SEC63: variants seen among roughly 807,000 people sequenced by gnomAD.
SEC63 encodes translocation protein SEC63 homolog.
A neutral mutation model predicts 116.2 loss-of-function variants in SEC63; 56 were observed. The observed-to-expected ratio is 0.48, with a 90% CI of 0.39 to 0.60. The LOEUF is 0.60. SEC63 is among the 20% of genes least tolerant of loss of function. SEC63 has a pLI of 0.00. For missense variants in SEC63, 668 were observed against 900.0 expected, an observed-to-expected ratio of 0.74 and a Z score of 3.30; for synonymous variants, 273 against 294.6, an observed-to-expected ratio of 0.93 and a Z score of 0.75.
chr6:107,954,481 T>TAAAAAAAAAAAAAAAAAAAAAAAAAAA (rs1562345005), intron 1 of SEC63: 1 of 14,006 alleles, frequency 7.1e-5, no homozygotes, highest in Non-Finnish European at 1.3e-4. Flanking sequence ...AAAAAAAAAA[T>TAAAAAAAAAAAAAAAAAAAAAAAAAAA]CAAAAAAAAA....
chr6:107,956,842 C>G lies in SEC63; in HGVS notation c.124+1044G>C, dbSNP rs528739802. Among the ~76,000 whole-genome samples, 4 of 152,246 alleles carry G rather than the reference C, an allele frequency of 2.6e-5. No individual in the cohort carries two copies. In the South Asian group the frequency reaches 8.3e-4, roughly 32 times the overall value. The stretch of plus-strand genomic sequence containing the variant: ...AACTTCTCCAAGTAGAGTATATAAC[C>G]TGGACAACCTAGACCTCCAGCACAC... On this transcript the variant is annotated intron_variant, in intron 1 of 20. Transcript: ENST00000369002.
intron 19 of SEC63, among the ~76,000 whole-genome samples, chr6:107,874,309 A>C (rs1379938996): frequency 6.6e-6 from 1 of 152,138 alleles, no homozygotes; most frequent in African/African-American, 2.4e-5. Flanking sequence ...AAAAAGAACA[A>C]GGAAGCCGGG....
intron 16 of SEC63, among the ~76,000 whole-genome samples, chr6:107,888,865 T>C (rs557872599): frequency 6.6e-6 from 1 of 152,330 alleles, no homozygotes; most frequent in South Asian, 2.1e-4. Context: ...TTTTTGTCAT[T>C]GGTTCTGTTT....
intron 3 of SEC63, among the ~76,000 whole-genome samples, chr6:107,923,733 G>A (rs1787608598): frequency 7.2e-6 from 1 of 139,142 alleles, no homozygotes; most frequent in African/African-American, 2.8e-5. Flanking sequence ...GTGTCACTAT[G>A]TTGCCCAAAC....
At position 107,876,580 on chromosome 6, in the gene SEC63, A is replaced by G; in HGVS notation, c.2018T>C (p.Leu673Pro). Residue 673 changes from leucine to proline, a missense_variant, in exon 19 of 21, where the codon CTG (leucine) becomes CCG (proline). Physicochemically the swap from Leu to Pro is moderately conservative, Grantham distance 98. Transcript: ENST00000369002. Reference sequence around the variant, plus strand: ...GATAGTTACCTCCTCTGTATCTTTCAGCGTACACACATGATATGGCATGGA... The same window carrying G: ...GATAGTTACCTCCTCTGTATCTTTCGGCGTACACACATGATATGGCATGGA... ...LISMPYHVCT[L>P]KDTEEVELKF... 2 of 1,599,858 alleles carry G rather than the reference A, an allele frequency of 1.3e-6. No individual in the cohort carries two copies. Among genetic ancestry groups the G allele is most frequent in the Non-Finnish European group, 1.7e-6 (2 of 1,170,000 alleles).
At chr6:107,943,015 A>G (rs936195037) in intron 1 of SEC63, among the ~76,000 whole-genome samples, 7 of 152,184 alleles carry the variant, frequency 4.6e-5, no homozygotes, top group African/African-American at 1.4e-4. Context: ...TGGTGTTGCA[A>G]GGTTTATGGT....
rs1787307803 is a variant in SEC63, at chr6:107,912,631, GTTC to G, written c.573+82_573+84del. Reference sequence around the variant, plus strand: ...GCACACCAGTATTTTCTTTGTAATAGTTCTTCTTGTATTACCAAGACAGATTGT... The same window carrying G: ...GCACACCAGTATTTTCTTTGTAATAGTTCTTGTATTACCAAGACAGATTGT... On this transcript the variant is annotated intron_variant, in intron 6 of 20. Transcript: ENST00000369002. 20 of 793,438 alleles carry G rather than the reference GTTC, an allele frequency of 2.5e-5. No individual in the cohort carries two copies. In the South Asian group the frequency reaches 2.6e-4, roughly 10 times the overall value. The allele number at this position is 793,438 out of a possible 1,614,324, so 49.1% of individuals were successfully genotyped here. A position where few individuals can be genotyped will look rare whatever the true frequency, so the allele number is the denominator to read the frequency against.
rs533393099 is a variant in SEC63, at chr6:107,883,831, G to C, written c.1675-685C>G. On this transcript the variant is annotated intron_variant, in intron 16 of 20. Transcript: ENST00000369002. ...CAAAAAAAAAAAGAAATAAAGAAAA[G>C]TACTCCTTTGGAAGTACAGAATCAC... is the stretch of plus-strand genomic sequence containing the variant. Among the ~76,000 whole-genome samples the C allele has an allele frequency of 7.3e-5, 11 of 151,128 alleles. No homozygotes were observed. The South Asian group carries it at 1.9e-3, about 26-fold the overall frequency.
At position 107,899,359 on chromosome 6, in the gene SEC63, C is replaced by T. The variant is rs73762094; in HGVS notation, c.1358-1628G>A. On this transcript the variant is annotated intron_variant, in intron 13 of 20. Transcript: ENST00000369002. Reference sequence around the variant, plus strand: ...CCATGGTAATATTTGTCAGTGAGGCCGAACACTCTTAAATTTCTACTTTCT... The same window carrying T: ...CCATGGTAATATTTGTCAGTGAGGCTGAACACTCTTAAATTTCTACTTTCT... Among the ~76,000 whole-genome samples, 1,269 of 152,170 alleles carry T rather than the reference C, an allele frequency of 8.3e-3. 13 individuals carry two copies. Among genetic ancestry groups the T allele is most frequent in the African/African-American group, 0.026 (1,073 of 41,500 alleles).
chr6:107,899,395 C>A (rs1445999129), intron 13 of SEC63, among the ~76,000 whole-genome samples: 1 of 152,148 alleles, frequency 6.6e-6, no homozygotes, highest in East Asian at 1.9e-4. Context: ...ATAAGAAAAT[C>A]TCTTCTAATA....
intron 1 of SEC63, 23 bp from the exon 2 acceptor site, chr6:107,929,537 T>C: frequency 1.4e-6 from 2 of 1,419,596 alleles, no homozygotes; most frequent in South Asian, 1.2e-5. Context: ...AAAAATAAGA[T>C]GAATTAAAAA....
chr6:107,904,600 T>C (rs1787099231), intron 11 of SEC63, 29 bp downstream of exon 11: 1 of 1,525,160 alleles, frequency 6.6e-7, no homozygotes, highest in African/African-American at 1.4e-5. Context: ...AGAAAAAGTA[T>C]AACATAATTA....
intron 8 of SEC63, among the ~76,000 whole-genome samples, chr6:107,907,233 A>C (rs1328548509): frequency 2.0e-5 from 3 of 152,300 alleles, no homozygotes; most frequent in East Asian, 3.9e-4. Flanking sequence ...TTTCCAAAAA[A>C]ATTTTATTAT....
At chr6:107,886,882 G>A (rs1242887305) in intron 16 of SEC63, among the ~76,000 whole-genome samples, 1 of 141,776 alleles carries the variant, frequency 7.1e-6, no homozygotes, top group Non-Finnish European at 1.5e-5. Flanking sequence ...AAGCTCTTTA[G>A]TTCAATCAGA....
chr6:107,899,602 C>T (rs1449391940), intron 13 of SEC63, among the ~76,000 whole-genome samples: 1 of 151,964 alleles, frequency 6.6e-6, no homozygotes, highest in South Asian at 2.1e-4. Flanking sequence ...GCCTGTAATC[C>T]CAGCTACTTG....
intron 16 of SEC63, among the ~76,000 whole-genome samples, chr6:107,893,099 AAATAC>A (rs1786724097): frequency 6.7e-6 from 1 of 148,274 alleles, no homozygotes; most frequent in Non-Finnish European, 1.5e-5. Context: ...TCATACAATG[AAATAC>A]TATACACACA....
intron 16 of SEC63, among the ~76,000 whole-genome samples, chr6:107,887,575 A>G (rs1379274288): frequency 2.7e-5 from 4 of 149,862 alleles, no homozygotes; most frequent in African/African-American, 9.9e-5. Flanking sequence ...AGGAAGGGGA[A>G]TATCACACTC....
In SEC63 at chr6:107,876,674, A is replaced by AAC; in HGVS notation, c.1936-13_1936-12insGT. On this transcript the variant is annotated splice_polypyrimidine_tract_variant and intron_variant, in intron 18 of 20. Transcript: ENST00000369002. Reference sequence around the variant, plus strand: ...CATTCTTGTTTTTCCTGGAAACAAAAAAAAAAAAAAAAAAAGAAGAGGGGT... The same window carrying AAC: ...CATTCTTGTTTTTCCTGGAAACAAAAACAAAAAAAAAAAAAAAGAAGAGGGGT... The AAC allele has an allele frequency of 7.3e-7, 1 of 1,369,366 alleles. No homozygotes were observed. The highest frequency in any genetic ancestry group is 1.0e-6 in the Non-Finnish European group (1 of 998,360). 84.8% of individuals were successfully genotyped at this position (1,369,366 alleles called of 1,614,324 possible). A position where few individuals can be genotyped will look rare whatever the true frequency, so the allele number is the denominator to read the frequency against.
At chr6:107,906,400 G>A (rs1787149475) in intron 10 of SEC63, 48 bp downstream of exon 10, 2 of 1,598,002 alleles carry the variant, frequency 1.3e-6, no homozygotes, top group South Asian at 1.1e-5. Context: ...AATTAATTCT[G>A]CTGCTTTCAT....
Sources: gnomAD v4.1 joint callset for allele counts (sites outside exome capture counted in the v4.1 genomes callset) on GRCh38, gnomAD v4.1.1 for gene constraint, MANE v1.5 for transcripts, NCBI Gene and HGNC (gene_info 2026-07-23, HGNC 2026-07-21) for gene names.